Variants in CNTN4 observed in about 807,000 individuals in gnomAD.
CNTN4 encodes the protein contactin-4.
In CNTN4, 77 loss-of-function variants were observed where a neutral mutation model predicts 122.5. The ratio of observed to expected loss-of-function variants is 0.63; its 90% CI spans 0.52 to 0.76. CNTN4 has a LOEUF of 0.76. CNTN4 is among the 30% of genes least tolerant of loss of function. CNTN4 has a pLI of 0.00. For missense variants in CNTN4, 1,256 were observed against 1,259.1 expected (o/e 1.00, Z 0.04); for synonymous variants, 512 against 447.0 (o/e 1.15, Z -1.83).
At chr3:2,314,711 C>T (rs2043032813) in intron 2 of CNTN4, among the ~76,000 whole-genome samples, 1 of 151,494 alleles carries the variant, frequency 6.6e-6, no homozygotes, top group Non-Finnish European at 1.5e-5. Flanking sequence ...TAATTTGATA[C>T]AAATGTAAAA....
chr3:2,541,181 A>C (rs1559210734), intron 3 of CNTN4, among the ~76,000 whole-genome samples: 1 of 152,138 alleles, frequency 6.6e-6, no homozygotes, highest in Non-Finnish European at 1.5e-5. Context: ...ACTCTTAAGT[A>C]TAGTAACTTC....
intron 3 of CNTN4, among the ~76,000 whole-genome samples, chr3:2,431,039 CT>C (rs2048049704): frequency 6.6e-6 from 1 of 152,132 alleles, no homozygotes; most frequent in Non-Finnish European, 1.5e-5. Flanking sequence ...AAATATTCAC[CT>C]AGCCTTTTTG....
intron 4 of CNTN4, among the ~76,000 whole-genome samples, chr3:2,574,819 C>T (rs553263018): frequency 1.3e-5 from 2 of 152,062 alleles, no homozygotes; most frequent in African/African-American, 2.4e-5. Flanking sequence ...CGGCTCTACT[C>T]CTTTGTGACA....
intron 7 of CNTN4, among the ~76,000 whole-genome samples, chr3:2,837,843 T>C (rs780684526): frequency 3.9e-5 from 6 of 152,192 alleles, no homozygotes; most frequent in Non-Finnish European, 5.9e-5. Context: ...CATGCTTTAG[T>C]TGGTAGCAGA....
intron 2 of CNTN4, among the ~76,000 whole-genome samples, chr3:2,206,679 G>A (rs561732532): frequency 6.6e-6 from 1 of 151,820 alleles, no homozygotes; most frequent in Admixed American, 6.6e-5. Context: ...GAAATATTCA[G>A]ACCTATCAAC....
chr3:2,889,328 T>C (rs2094012403), intron 10 of CNTN4, among the ~76,000 whole-genome samples: 1 of 152,226 alleles, frequency 6.6e-6, no homozygotes. Context: ...ACTTCTCTTT[T>C]ATCATTCGTC....
chr3:2,651,652 A>G (rs1272198853), intron 4 of CNTN4, among the ~76,000 whole-genome samples: 5 of 151,840 alleles, frequency 3.3e-5, no homozygotes, highest in African/African-American at 1.2e-4. Flanking sequence ...GGAGTTTGAA[A>G]CCAGCCTAGG....
intron 14 of CNTN4, among the ~76,000 whole-genome samples, chr3:3,014,047 TACAC>T (rs10546128): frequency 0.29 from 41,698 of 146,166 alleles, 5,859 homozygotes; most frequent in Middle Eastern, 0.37. Context: ...CATTTAAATG[TACAC>T]ACACACACAC....
intron 3 of CNTN4, among the ~76,000 whole-genome samples, chr3:2,364,824 C>A (rs547618743): frequency 6.6e-6 from 1 of 152,282 alleles, no homozygotes; most frequent in South Asian, 2.1e-4. Context: ...TATGGTGAAT[C>A]TAGGCCATTG....
chr3:3,019,765 A>AATAT (rs67229453), intron 14 of CNTN4, among the ~76,000 whole-genome samples: 1,960 of 137,794 alleles, frequency 0.014, 28 homozygotes, highest in African/African-American at 0.033. Flanking sequence ...TGTGTACACA[A>AATAT]ATATATATAT....
intron 4 of CNTN4, among the ~76,000 whole-genome samples, chr3:2,656,405 C>G (rs1051035422): frequency 2.6e-5 from 4 of 152,210 alleles, no homozygotes; most frequent in Non-Finnish European, 5.9e-5. Flanking sequence ...GATCCCCTAT[C>G]TGGTTCTCTT....
chr3:2,240,744 T>C (rs573487015), intron 2 of CNTN4, among the ~76,000 whole-genome samples: 2 of 152,310 alleles, frequency 1.3e-5, no homozygotes, highest in South Asian at 4.1e-4. Context: ...ACATCATTTT[T>C]AAAATTTAGT....
intron 2 of CNTN4, among the ~76,000 whole-genome samples, chr3:2,230,343 C>T (rs1476153337): frequency 6.6e-6 from 1 of 152,174 alleles, no homozygotes; most frequent in Non-Finnish European, 1.5e-5. Context: ...CCCAGCAATA[C>T]GGTTGTTCAG....
intron 4 of CNTN4, among the ~76,000 whole-genome samples, chr3:2,635,956 A>T (rs2082641167): frequency 6.6e-6 from 1 of 152,160 alleles, no homozygotes; most frequent in African/African-American, 2.4e-5. Flanking sequence ...CCTGTGGACC[A>T]ACTTCTCTTC....
At chr3:2,823,376 A>G (rs2092918925) in intron 7 of CNTN4, among the ~76,000 whole-genome samples, 1 of 152,230 alleles carries the variant, frequency 6.6e-6, no homozygotes, top group African/African-American at 2.4e-5. Context: ...AGGGTAGCAG[A>G]GAAATGAGCA....
chr3:2,288,677 C>G (rs1480050318), intron 2 of CNTN4, among the ~76,000 whole-genome samples: 1 of 151,826 alleles, frequency 6.6e-6, no homozygotes, highest in African/African-American at 2.4e-5. Flanking sequence ...TAAAGCCATA[C>G]TAAGTATAAA....
intron 3 of CNTN4, among the ~76,000 whole-genome samples, chr3:2,505,449 A>G (rs781321439): frequency 9.2e-5 from 14 of 152,216 alleles, no homozygotes; most frequent in Non-Finnish European, 1.6e-4. Flanking sequence ...CTATAGTCCT[A>G]TCCAAACTTA....
At chr3:3,041,422 A>G (rs901622643) in intron 20 of CNTN4, among the ~76,000 whole-genome samples, 3 of 152,204 alleles carry the variant, frequency 2.0e-5, no homozygotes, top group Non-Finnish European at 4.4e-5. Flanking sequence ...AATGAGAGGA[A>G]AAGGGGAAAA....
chr3:2,820,140 C>G (rs1176021213), intron 7 of CNTN4, among the ~76,000 whole-genome samples: 1 of 152,170 alleles, frequency 6.6e-6, no homozygotes, highest in African/African-American at 2.4e-5. Context: ...CTCAGTCCCA[C>G]AAGGCTGCCT....
Sources: allele counts gnomAD v4.1 joint callset (sites outside exome capture counted in the v4.1 genomes callset), GRCh38; gene constraint gnomAD v4.1.1; transcripts MANE v1.5; gene names NCBI Gene and HGNC (gene_info 2026-07-23, HGNC 2026-07-21).